The following RIT2 variants were observed in gnomAD, a reference collection of about 807,000 sequenced individuals.
RIT2 encodes the protein GTP-binding protein Rit2.
In RIT2, 24 loss-of-function variants were observed where a neutral mutation model predicts 23.7. The ratio of observed to expected loss-of-function variants is 1.01; its 90% CI spans 0.73 to 1.43. The LOEUF (loss-of-function observed/expected upper bound fraction) is 1.43. RIT2 is among the 40% of genes most tolerant of loss of function. The pLI is 0.00. For synonymous variants in RIT2, 107 were observed against 91.1 expected, an observed-to-expected ratio of 1.17 and a Z score of -0.99; for missense variants, 236 against 266.9, an observed-to-expected ratio of 0.88 and a Z score of 0.81.
chr18:42,781,047 A>G (rs780770451), intron 4 of RIT2, among the ~76,000 whole-genome samples: 1 of 152,126 alleles, frequency 6.6e-6, no homozygotes, highest in Non-Finnish European at 1.5e-5. Flanking sequence ...TAAGCACTAT[A>G]CTTTACTGCT....
chr18:42,780,108 C>T (rs1196442964), intron 4 of RIT2, among the ~76,000 whole-genome samples: 1 of 126,730 alleles, frequency 7.9e-6, no homozygotes, highest in Non-Finnish European at 1.6e-5. Flanking sequence ...CTGTCACAGC[C>T]TCAAGGGGTC....
intron 1 of RIT2, among the ~76,000 whole-genome samples, chr18:43,059,659 A>T (rs4381676): frequency 0.88 from 134,528 of 152,162 alleles, 60,138 homozygotes; most frequent in Non-Finnish European, 0.97. Flanking sequence ...AGTAAACACT[A>T]ATTTGACTTA....
chr18:42,865,782 C>T (rs1355169674), intron 4 of RIT2, among the ~76,000 whole-genome samples: 2 of 152,140 alleles, frequency 1.3e-5, no homozygotes, highest in Admixed American at 6.6e-5. Flanking sequence ...GAGCCTCCCC[C>T]GCCATTCCCC....
chr18:42,997,738 A>C (rs1911019199), intron 2 of RIT2, among the ~76,000 whole-genome samples: 1 of 152,178 alleles, frequency 6.6e-6, no homozygotes, highest in African/African-American at 2.4e-5. Flanking sequence ...AGAACTTAAA[A>C]TAATAAAAGG....
chr18:42,967,536 ATT>A (rs397940927), intron 3 of RIT2, among the ~76,000 whole-genome samples: 11,270 of 80,476 alleles, frequency 0.14, 522 homozygotes, highest in South Asian at 0.21. Flanking sequence ...CGCCCGGCTA[ATT>A]TTTTTTTTTT....
At chr18:42,936,889 G>A (rs1029901775) in intron 3 of RIT2, among the ~76,000 whole-genome samples, 2 of 151,964 alleles carry the variant, frequency 1.3e-5, no homozygotes, top group African/African-American at 2.4e-5. Context: ...GTGCATGCCT[G>A]TAACCCCAGC....
At chr18:43,089,580 C>CA (rs57385269) in intron 1 of RIT2, among the ~76,000 whole-genome samples, 33 of 148,430 alleles carry the variant, frequency 2.2e-4, no homozygotes, top group Admixed American at 1.1e-3. Flanking sequence ...CAATCCTAAG[C>CA]AAAAAAAAAT....
intron 1 of RIT2, among the ~76,000 whole-genome samples, chr18:43,074,002 C>T (rs1331006071): frequency 6.6e-6 from 1 of 151,802 alleles, no homozygotes; most frequent in Non-Finnish European, 1.5e-5. Context: ...ACCTGTTGTG[C>T]GGGGATCATA....
At chr18:42,827,262 C>T (rs562574821) in intron 4 of RIT2, among the ~76,000 whole-genome samples, 1 of 152,208 alleles carries the variant, frequency 6.6e-6, no homozygotes, top group East Asian at 1.9e-4. Flanking sequence ...TGTTAATAAA[C>T]ATTGTTGAAG....
intron 3 of RIT2, among the ~76,000 whole-genome samples, chr18:42,965,265 G>A (rs1910188758): frequency 6.6e-6 from 1 of 152,052 alleles, no homozygotes; most frequent in African/African-American, 2.4e-5. Flanking sequence ...TTTAAGAATG[G>A]GAAGAAAGTG....
chr18:42,820,046 G>A (rs1236918577), intron 4 of RIT2, among the ~76,000 whole-genome samples: 1 of 152,034 alleles, frequency 6.6e-6, no homozygotes, highest in Non-Finnish European at 1.5e-5. Context: ...TATTCATGTG[G>A]ATTCAATATA....
chr18:42,881,706 T>C (rs932328399), intron 4 of RIT2, among the ~76,000 whole-genome samples: 4 of 152,254 alleles, frequency 2.6e-5, no homozygotes, highest in African/African-American at 7.2e-5. Context: ...ATTCTCAGCA[T>C]GGTCATGTTG....
At chr18:42,743,913 C>G (rs1056838380) in intron 4 of RIT2, among the ~76,000 whole-genome samples, 193 bp from the exon 5 acceptor site, 2 of 152,090 alleles carry the variant, frequency 1.3e-5, no homozygotes, top group East Asian at 3.9e-4. Context: ...AATGCCCTGC[C>G]CCGCCTTAAC....
intron 4 of RIT2, among the ~76,000 whole-genome samples, chr18:42,789,417 T>C (rs1324728862): frequency 6.6e-6 from 1 of 152,246 alleles, no homozygotes; most frequent in Non-Finnish European, 1.5e-5. Context: ...TAGCTTGCTT[T>C]GAGCAGCATG....
chr18:43,034,126 A>C (rs557399344), intron 1 of RIT2, among the ~76,000 whole-genome samples: 1 of 152,266 alleles, frequency 6.6e-6, no homozygotes, highest in East Asian at 1.9e-4. Flanking sequence ...TATTAGAGTA[A>C]AAATAAAGAA....
intron 2 of RIT2, among the ~76,000 whole-genome samples, chr18:42,987,413 A>G (rs1910736854): frequency 6.6e-6 from 1 of 152,170 alleles, no homozygotes; most frequent in African/African-American, 2.4e-5. Context: ...CTAGATACCT[A>G]TCTGAAACAA....
At chr18:43,046,153 A>G (rs925907096) in intron 1 of RIT2, among the ~76,000 whole-genome samples, 2 of 152,182 alleles carry the variant, frequency 1.3e-5, no homozygotes, top group African/African-American at 4.8e-5. Flanking sequence ...AGAATCATGC[A>G]AAAATCTTGT....
At chr18:42,992,617 C>T (rs1910880060) in intron 2 of RIT2, among the ~76,000 whole-genome samples, 1 of 152,142 alleles carries the variant, frequency 6.6e-6, no homozygotes, top group Non-Finnish European at 1.5e-5. Context: ...TTATCACCTC[C>T]CCTCCTCACA....
intron 1 of RIT2, among the ~76,000 whole-genome samples, chr18:43,078,614 T>C (rs1913080088): frequency 6.6e-6 from 1 of 152,192 alleles, no homozygotes. Context: ...TAGCATAGTT[T>C]ACATTCCTCC....
Sources: allele counts gnomAD v4.1 joint callset (sites outside exome capture counted in the v4.1 genomes callset), GRCh38; gene constraint gnomAD v4.1.1; transcripts MANE v1.5; gene names NCBI Gene and HGNC (gene_info 2026-07-23, HGNC 2026-07-21).